Variants in OSBPL1A observed in about 807,000 individuals in gnomAD.
OSBPL1A encodes oxysterol-binding protein-related protein 1.
In OSBPL1A, 80 loss-of-function variants were observed where a neutral mutation model predicts 137.1. The observed-to-expected ratio is 0.58, with a 90% confidence interval of 0.49 to 0.70. OSBPL1A has a LOEUF of 0.70. Among genes scored for constraint, OSBPL1A ranks in the 30% least tolerant of loss-of-function variants. OSBPL1A has a pLI of 0.00. For synonymous variants in OSBPL1A, 365 were observed against 389.7 expected, an observed-to-expected ratio of 0.94 and a Z score of 0.75; for missense variants, 970 against 1,129.4, an observed-to-expected ratio of 0.86 and a Z score of 2.02.
chr18:24,183,999 G>A (rs1174191280), intron 18 of OSBPL1A, among the ~76,000 whole-genome samples: 4 of 152,122 alleles, frequency 2.6e-5, no homozygotes, highest in Admixed American at 6.5e-5. Flanking sequence ...TAAGTACTAA[G>A]TACTAATATA....
At chr18:24,181,320 A>G in intron 18 of OSBPL1A, 41 bp from the exon 19 acceptor site, 1 of 1,594,816 alleles carries the variant, frequency 6.3e-7, no homozygotes, top group Non-Finnish European at 8.6e-7. Flanking sequence ...TCCCATATAC[A>G]TAACAAACAA....
chr18:24,295,615 A>G (rs1417931865), intron 14 of OSBPL1A, among the ~76,000 whole-genome samples: 1 of 152,192 alleles, frequency 6.6e-6, no homozygotes, highest in Non-Finnish European at 1.5e-5. Flanking sequence ...TTTCATTCTT[A>G]TACATGTGGC....
chr18:24,368,443 A>C, intron 2 of OSBPL1A, 71 bp from the exon 3 acceptor site: 1 of 1,112,050 alleles, frequency 9.0e-7, no homozygotes, highest in Non-Finnish European at 1.4e-6. Context: ...TAACTTCTCC[A>C]TAACAAGCTA....
At chr18:24,264,451 C>T (rs2089520247) in intron 15 of OSBPL1A, among the ~76,000 whole-genome samples, 1 of 152,126 alleles carries the variant, frequency 6.6e-6, no homozygotes, top group African/African-American at 2.4e-5. Context: ...TCAGTGAGGG[C>T]CATTTTTCTG....
At chr18:24,171,070 T>C (rs2086272047) in intron 23 of OSBPL1A, among the ~76,000 whole-genome samples, 1 of 151,848 alleles carries the variant, frequency 6.6e-6, no homozygotes, top group Non-Finnish European at 1.5e-5. Flanking sequence ...GGAGTCTCGC[T>C]GTCACCTGGG....
At chr18:24,255,676 C>G (rs2089250938) in intron 15 of OSBPL1A, among the ~76,000 whole-genome samples, 1 of 152,166 alleles carries the variant, frequency 6.6e-6, no homozygotes, top group South Asian at 2.1e-4. Context: ...TAAAACCAAA[C>G]TGTGCTCTGA....
chr18:24,176,944 G>A lies in OSBPL1A; in HGVS notation c.2093+1069C>T, dbSNP rs188564039. On this transcript the variant is annotated intron_variant, in intron 21 of 27. Transcript: ENST00000319481. Reference sequence around the variant, plus strand: ...CCAACACTCTTAGACACCAGGGGGCGCTTTCTCTCCCCTCCGGCTGGCAAG... The same window carrying A: ...CCAACACTCTTAGACACCAGGGGGCACTTTCTCTCCCCTCCGGCTGGCAAG... 4.6e-5 allele frequency among the ~76,000 whole-genome samples: 7 copies of A among 152,280 alleles called. No individual in the cohort carries two copies. The East Asian group carries it at 7.7e-4, about 17-fold the overall frequency.
chr18:24,170,660 T>C, intron 23 of OSBPL1A: 1 of 537,562 alleles, frequency 1.9e-6, no homozygotes, highest in Non-Finnish European at 3.3e-6. Context: ...TAAAGGTGTG[T>C]ACGACTCACA....
chr18:24,246,772 C>G (rs1289442032), intron 15 of OSBPL1A, among the ~76,000 whole-genome samples: 2 of 119,656 alleles, frequency 1.7e-5, no homozygotes, highest in South Asian at 5.6e-4. Context: ...TCCTGGGTAA[C>G]AGAGTGAGAC....
chr18:24,201,623 C>T (rs944562783), intron 17 of OSBPL1A, among the ~76,000 whole-genome samples: 5 of 152,112 alleles, frequency 3.3e-5, no homozygotes, highest in Admixed American at 2.0e-4. Flanking sequence ...ATTAGCTGAG[C>T]GTGGTGGCAC....
chr18:24,214,624 T>C (rs1002912796), intron 17 of OSBPL1A, among the ~76,000 whole-genome samples: 2 of 152,186 alleles, frequency 1.3e-5, no homozygotes, highest in African/African-American at 2.4e-5. Context: ...TCTACTAGAA[T>C]GTAGGTTTGA....
At chr18:24,206,471 G>C (rs768939368) in intron 17 of OSBPL1A, among the ~76,000 whole-genome samples, 33 of 152,178 alleles carry the variant, frequency 2.2e-4, no homozygotes, top group Non-Finnish European at 4.0e-4. Context: ...TGACCAGAGT[G>C]AAAGTGCTGG....
At chr18:24,290,401 C>A (rs1599622234) in intron 14 of OSBPL1A, among the ~76,000 whole-genome samples, 1 of 152,134 alleles carries the variant, frequency 6.6e-6, no homozygotes, top group Admixed American at 6.5e-5. Flanking sequence ...ATGAGCCTGG[C>A]CAGGCATAGT....
In OSBPL1A at chr18:24,268,291, A is replaced by AT. The variant is rs914960731; in HGVS notation, c.1281+12550dup. Reference sequence around the variant, plus strand: ...CCACCACACCCAGCTAATTTTTTATATTTTTTTTGGGAGAGACAGGGTTTC... The same window carrying AT: ...CCACCACACCCAGCTAATTTTTTATATTTTTTTTTGGGAGAGACAGGGTTTC... On this transcript the variant is annotated intron_variant, in intron 15 of 27. Coordinates refer to ENST00000319481, the MANE Select transcript of OSBPL1A (RefSeq NM_080597.4). Among the ~76,000 whole-genome samples the AT allele has an allele frequency of 1.5e-3, 231 of 151,302 alleles. 1 individual carries two copies. The highest frequency in any genetic ancestry group is 0.014 in the South Asian group (65 of 4,768).
intron 16 of OSBPL1A, among the ~76,000 whole-genome samples, chr18:24,237,136 A>C (rs1336206733): frequency 6.6e-6 from 1 of 152,182 alleles, no homozygotes; most frequent in East Asian, 1.9e-4. Flanking sequence ...GTGATGCTCA[A>C]AAAAGGTCTG....
chr18:24,202,678 A>T (rs181860288), intron 17 of OSBPL1A, among the ~76,000 whole-genome samples: 1 of 152,356 alleles, frequency 6.6e-6, no homozygotes, highest in Admixed American at 6.5e-5. Flanking sequence ...AATAAAAACA[A>T]TTCATTATTA....
At chr18:24,307,915 G>T (rs978690860) in intron 13 of OSBPL1A, among the ~76,000 whole-genome samples, 1 of 150,904 alleles carries the variant, frequency 6.6e-6, no homozygotes, top group Non-Finnish European at 1.5e-5. Context: ...TCAGGCTCCT[G>T]TGTAGTTGGG....
At chr18:24,163,891 C>T (rs965751756) in intron 27 of OSBPL1A, among the ~76,000 whole-genome samples, 18 of 152,100 alleles carry the variant, frequency 1.2e-4, no homozygotes, top group Non-Finnish European at 2.5e-4. Flanking sequence ...CACCACCACA[C>T]CCAGCTAATT....
At chr18:24,264,941 T>G (rs2089535794) in intron 15 of OSBPL1A, among the ~76,000 whole-genome samples, 1 of 152,180 alleles carries the variant, frequency 6.6e-6, no homozygotes, top group Non-Finnish European at 1.5e-5. Context: ...AAATAAAGAA[T>G]AGATCACTTT....
Sources: gnomAD v4.1 joint callset for allele counts (sites outside exome capture counted in the v4.1 genomes callset) on GRCh38, gnomAD v4.1.1 for gene constraint, MANE v1.5 for transcripts, NCBI Gene and HGNC (gene_info 2026-07-23, HGNC 2026-07-21) for gene names.